ZBTB20: variants seen among roughly 807,000 people sequenced by gnomAD.
ZBTB20 encodes the protein zinc finger and BTB domain containing 20.
Under a neutral mutation model 56.9 loss-of-function variants are expected in ZBTB20, and 9 were observed. The observed-to-expected ratio is 0.16, with a 90% CI of 0.10 to 0.28. The LOEUF (loss-of-function observed/expected upper bound fraction) is 0.28. ZBTB20 is among the 10% of genes least tolerant of loss of function. ZBTB20 has a pLI of 1.00. For missense variants in ZBTB20, 655 were observed against 1,003.0 expected (o/e 0.65, Z 4.69); for synonymous variants, 417 against 420.7 (o/e 0.99, Z 0.11).
chr3:114,992,348 G>T (rs2078851943), intron 2 of ZBTB20, among the ~76,000 whole-genome samples: 2 of 151,890 alleles, frequency 1.3e-5, no homozygotes, highest in African/African-American at 4.8e-5. Flanking sequence ...ATAAAGATTA[G>T]CATAAATAAC....
intron 6 of ZBTB20, among the ~76,000 whole-genome samples, chr3:114,522,181 G>A (rs575044470): frequency 2.0e-5 from 3 of 152,258 alleles, no homozygotes; most frequent in Non-Finnish European, 2.9e-5. Flanking sequence ...TAAATACAGT[G>A]GTTATGAAAG....
chr3:114,801,104 A>C lies in ZBTB20; in HGVS notation c.-346T>G, dbSNP rs919132192. ...GGTACAGAAAGCTTTGACTTACAGG[A>C]ATACAGTGCAGCTCAATCTTTTGTT... On this transcript the variant is annotated 5_prime_UTR_variant, in exon 5 of 12. In the 5' UTR this introduces an upstream ATG that the reference lacks. Transcript: ENST00000675478. The C allele has an allele frequency of 5.3e-5, 8 of 152,236 alleles. No homozygotes were observed. In the East Asian group the frequency reaches 1.4e-3, roughly 26 times the overall value. 9.4% of individuals were successfully genotyped at this position (152,236 alleles called of 1,614,324 possible).
intron 5 of ZBTB20, among the ~76,000 whole-genome samples, chr3:114,792,735 CAATGT>C (rs1037980934): frequency 6.8e-4 from 103 of 152,228 alleles, no homozygotes; most frequent in Middle Eastern, 3.4e-3. Flanking sequence ...CCATCATCAG[CAATGT>C]TTCAACCCCC....
intron 6 of ZBTB20, among the ~76,000 whole-genome samples, chr3:114,559,989 G>A (rs534261709): frequency 1.3e-5 from 2 of 152,222 alleles, no homozygotes; most frequent in African/African-American, 4.8e-5. Flanking sequence ...TTAGGCACCA[G>A]ACAGACAATA....
At chr3:114,697,697 C>T (rs1180502880) in intron 5 of ZBTB20, among the ~76,000 whole-genome samples, 4 of 151,604 alleles carry the variant, frequency 2.6e-5, no homozygotes, top group Admixed American at 2.6e-4. Flanking sequence ...TATTGATTTA[C>T]ACTATGCCAT....
At chr3:115,116,092 CTGTTT>C (rs1169918606) in intron 1 of ZBTB20, among the ~76,000 whole-genome samples, 3 of 151,940 alleles carry the variant, frequency 2.0e-5, no homozygotes, top group African/African-American at 7.2e-5. Flanking sequence ...AGTCAGTTGT[CTGTTT>C]TGTAAGAGTT....
rs568953760 is a variant in ZBTB20 at position 114,522,617 on chromosome 3, T to C, written c.-294-22226A>G. Among the ~76,000 whole-genome samples the C allele has an allele frequency of 8.2e-4, 125 of 152,202 alleles. 1 individual carries two copies. Among genetic ancestry groups the C allele is most frequent in the African/African-American group, 2.7e-3 (111 of 41,528 alleles). On this transcript the variant is annotated intron_variant, in intron 6 of 11. Coordinates refer to ENST00000675478, the MANE Select transcript of ZBTB20 (RefSeq NM_001348800.3). The stretch of plus-strand genomic sequence containing the variant: ...TAGGAGGCTACTGCAATAATCCGGG[T>C]AAGAAATGATAGTTGCTTGGATTAG...
In ZBTB20 at chr3:114,943,755, T is replaced by A. The variant is rs76467735; in HGVS notation, c.-456+30611A>T. On this transcript the variant is annotated intron_variant, in intron 3 of 11. Transcript: ENST00000675478. ...TAAAAAATGTTTTAACATACAAATA[T>A]CTCTAGTCCCAGAAGGAAAGGGTAA... Among the ~76,000 whole-genome samples, 81 of 144,376 alleles carry A rather than the reference T, an allele frequency of 5.6e-4. 1 individual carries two copies. In the East Asian group the frequency reaches 0.015, roughly 26 times the overall value. The allele number at this position is 144,376 out of a possible 152,430, so 94.7% of individuals were successfully genotyped here. A position where few individuals can be genotyped will look rare whatever the true frequency, so the allele number is the denominator to read the frequency against.
At chr3:114,522,507 A>G (rs1421431311) in intron 6 of ZBTB20, among the ~76,000 whole-genome samples, 2 of 152,216 alleles carry the variant, frequency 1.3e-5, no homozygotes, top group Non-Finnish European at 2.9e-5. Flanking sequence ...GACTGAAATT[A>G]CATTACATAT....
intron 4 of ZBTB20, among the ~76,000 whole-genome samples, chr3:114,826,892 A>T (rs935417105): frequency 6.6e-6 from 1 of 151,424 alleles, no homozygotes; most frequent in Admixed American, 6.6e-5. Context: ...GAATATTGAA[A>T]CCTCCTTAAT....
Position 114,396,888 on chromosome 3 carries a change from T to A in ZBTB20, c.-254-7783A>T, listed in dbSNP as rs553192987. ...TTATCACCCCTTTTCTTAGCTCTCA[T>A]ACTCCTTCTAAATTACTCTTTTGAG... On this transcript the variant is annotated intron_variant, in intron 7 of 11. Transcript: ENST00000675478. Among the ~76,000 whole-genome samples the A allele has an allele frequency of 5.3e-4, 81 of 152,246 alleles. No homozygotes were observed. In the Middle Eastern group the frequency reaches 0.01, roughly 19 times the overall value.
chr3:114,651,450 T>G (rs1310629770), intron 6 of ZBTB20, among the ~76,000 whole-genome samples: 1 of 151,772 alleles, frequency 6.6e-6, no homozygotes, highest in African/African-American at 2.4e-5. Context: ...AAATCTTGCT[T>G]ATTTTCAGCT....
In ZBTB20 at chr3:114,331,028, A is replaced by G. The variant is rs2079231774; in HGVS notation, c.*7977T>C. 6.6e-6 allele frequency: 1 copy of G among 152,288 alleles called. No individual in the cohort carries two copies. Among genetic ancestry groups the G allele is most frequent in the African/African-American group, 2.4e-5 (1 of 41,470 alleles). 9.4% of individuals were successfully genotyped at this position (152,288 alleles called of 1,614,324 possible). ...TGGCAAAGGCCACATTGGTTTCAGG[A>G]GACACAGTTTGTGAATTACGATGAT... On this transcript the variant is annotated 3_prime_UTR_variant, in exon 12 of 12. Transcript: ENST00000675478.
chr3:114,974,579 T>A (rs920876302), intron 2 of ZBTB20, among the ~76,000 whole-genome samples, 163 bp from the exon 3 acceptor site: 1 of 152,190 alleles, frequency 6.6e-6, no homozygotes, highest in Non-Finnish European at 1.5e-5. Context: ...GTACAAGTAC[T>A]CAGTAAAACG....
intron 7 of ZBTB20, among the ~76,000 whole-genome samples, chr3:114,491,319 A>AC (rs2109510245): frequency 6.6e-6 from 1 of 152,254 alleles, no homozygotes; most frequent in South Asian, 2.1e-4. Context: ...CACCAGACTC[A>AC]CCTGCACCTT....
Position 114,350,677 on chromosome 3 carries a change from C to T in ZBTB20, c.1401G>A (p.Gly467=), listed in dbSNP as rs540652273. 1 of 1,614,198 alleles carries T rather than the reference C, an allele frequency of 6.2e-7. No individual in the cohort carries two copies. The highest frequency in any genetic ancestry group is 2.2e-5 in the East Asian group (1 of 44,874). ...LQQPSVNTSI[G]QPLPSTQLYL... ...AGAGCTGGGTACTTGGCAATGGCTG[C>T]CCGATGGACGTGTTGACCGAAGGCT... Residue 467 remains glycine (G), a synonymous_variant, in exon 11 of 12, where the codon GGG becomes GGA. Coordinates refer to ENST00000675478, the MANE Select transcript of ZBTB20 (RefSeq NM_001348800.3).
At chr3:114,367,866 A>G (rs1310898444) in intron 10 of ZBTB20, among the ~76,000 whole-genome samples, 2 of 152,178 alleles carry the variant, frequency 1.3e-5, no homozygotes, top group Non-Finnish European at 2.9e-5. Context: ...GAATCCAAGA[A>G]GGGACAAGAA....
intron 3 of ZBTB20, among the ~76,000 whole-genome samples, chr3:114,961,551 C>G (rs1023984021): frequency 6.6e-6 from 1 of 152,060 alleles, no homozygotes; most frequent in Non-Finnish European, 1.5e-5. Flanking sequence ...TCAGATCACT[C>G]TAATTGTTCT....
chr3:115,123,159 T>C (rs1312857987), intron 1 of ZBTB20, among the ~76,000 whole-genome samples: 1 of 152,136 alleles, frequency 6.6e-6, no homozygotes, highest in Non-Finnish European at 1.5e-5. Flanking sequence ...TCCCCTAAGA[T>C]ATTTGGTCAG....
Sources: gnomAD v4.1 joint callset for allele counts (sites outside exome capture counted in the v4.1 genomes callset) on GRCh38, gnomAD v4.1.1 for gene constraint, MANE v1.5 for transcripts, NCBI Gene and HGNC (gene_info 2026-07-23, HGNC 2026-07-21) for gene names.